KLHL3: variants seen among roughly 807,000 people sequenced by gnomAD.
The protein encoded by KLHL3 is kelch like family member 3.
Under a neutral mutation model 70.5 loss-of-function variants are expected in KLHL3, and 19 were observed. The ratio of observed to expected loss-of-function variants is 0.27; its 90% CI spans 0.19 to 0.40. The LOEUF (loss-of-function observed/expected upper bound fraction) is 0.40. KLHL3 is among the 10% of genes least tolerant of loss of function. The pLI, the probability that KLHL3 is intolerant of heterozygous loss-of-function variation, is 1.00. For missense variants in KLHL3, 512 were observed against 771.1 expected, an observed-to-expected ratio of 0.66 and a Z score of 3.98; for synonymous variants, 258 against 290.3, an observed-to-expected ratio of 0.89 and a Z score of 1.13.
chr5:137,652,715 G>A (rs1751233396), intron 8 of KLHL3, among the ~76,000 whole-genome samples: 1 of 152,256 alleles, frequency 6.6e-6, no homozygotes, highest in East Asian at 1.9e-4. Flanking sequence ...TCAGTGAGAT[G>A]GGAGAAATAC....
intron 4 of KLHL3, among the ~76,000 whole-genome samples, chr5:137,695,193 T>C (rs1752417698): frequency 1.3e-5 from 2 of 152,182 alleles, no homozygotes; most frequent in Non-Finnish European, 2.9e-5. Flanking sequence ...GGTTACACTT[T>C]CCATTTTTAA....
intron 6 of KLHL3, among the ~76,000 whole-genome samples, chr5:137,677,016 A>T (rs1751900227): frequency 6.6e-6 from 1 of 152,196 alleles, no homozygotes; most frequent in African/African-American, 2.4e-5. Flanking sequence ...AAATAGTGGC[A>T]GCTTTGTCAT....
intron 5 of KLHL3, among the ~76,000 whole-genome samples, chr5:137,679,433 C>T (rs1751969767): frequency 1.3e-5 from 2 of 152,214 alleles, no homozygotes; most frequent in South Asian, 4.1e-4. Context: ...CCCAGAGCCA[C>T]ATCTGGCCTT....
intron 1 of KLHL3, 122 bp from the exon 2 acceptor site, chr5:137,720,706 C>G: frequency 1.3e-6 from 2 of 1,532,210 alleles, no homozygotes; most frequent in South Asian, 2.5e-5. Context: ...TGTTCTCACA[C>G]AGACCCAATA....
chr5:137,715,496 T>A (rs1752876143), intron 2 of KLHL3, among the ~76,000 whole-genome samples: 1 of 152,180 alleles, frequency 6.6e-6, no homozygotes, highest in Admixed American at 6.5e-5. Context: ...CTGCCTCCCC[T>A]TTCCACTCTA....
chr5:137,648,548 C>T (rs1303758842), intron 8 of KLHL3, among the ~76,000 whole-genome samples: 1 of 152,216 alleles, frequency 6.6e-6, no homozygotes, highest in African/African-American at 2.4e-5. Context: ...GAGACAGCCT[C>T]GGGTTGTCCA....
chr5:137,721,351 T>A (rs1752992520), intron 1 of KLHL3: 1 of 152,224 alleles, frequency 6.6e-6, no homozygotes, highest in African/African-American at 2.4e-5. Flanking sequence ...AGCAGCCTTT[T>A]AAGTGTCATG....
At chr5:137,710,854 T>G (rs1000923478) in intron 2 of KLHL3, among the ~76,000 whole-genome samples, 2 of 152,088 alleles carry the variant, frequency 1.3e-5, no homozygotes, top group Non-Finnish European at 2.9e-5. Context: ...ATATTGAAAA[T>G]GAAGAAACTG....
intron 3 of KLHL3, among the ~76,000 whole-genome samples, chr5:137,701,392 C>T (rs1330426808): frequency 6.6e-6 from 1 of 152,120 alleles, no homozygotes; most frequent in Admixed American, 6.5e-5. Flanking sequence ...TACTAAGAGG[C>T]AGGACTGAGA....
chr5:137,724,542 C>T (rs1753055286), intron 1 of KLHL3, among the ~76,000 whole-genome samples: 1 of 152,184 alleles, frequency 6.6e-6, no homozygotes, highest in African/African-American at 2.4e-5. Flanking sequence ...ATATAATTCA[C>T]ACTAGAGCCT....
chr5:137,642,230 GCA>G (rs1750929279), intron 8 of KLHL3, among the ~76,000 whole-genome samples: 1 of 152,192 alleles, frequency 6.6e-6, no homozygotes, highest in African/African-American at 2.4e-5. Context: ...GAGAATAAAA[GCA>G]GTTTTAAGTT....
intron 3 of KLHL3, among the ~76,000 whole-genome samples, chr5:137,704,200 A>G (rs1273816164): frequency 6.6e-6 from 1 of 152,078 alleles, no homozygotes; most frequent in Non-Finnish European, 1.5e-5. Flanking sequence ...CCTGGCTAAC[A>G]AGGTGAAACC....
At position 137,625,769 on chromosome 5, in the gene KLHL3, C is replaced by T. The variant is rs148604750; in HGVS notation, c.1719G>A (p.Thr573=). 1.3e-4 allele frequency: 210 copies of T among 1,614,140 alleles called. No homozygotes were observed. In the African/African-American group the frequency reaches 2.3e-3, roughly 18 times the overall value. The part of the protein sequence containing the change: ...KWTLLPTNMS[T]GRSYAGVAVI... Reference sequence around the variant, plus strand: ...CACACTGACCTGCATAGCTCCGCCCCGTGCTCATGTTCGTTGGAAGCAGCG... The same window carrying T: ...CACACTGACCTGCATAGCTCCGCCCTGTGCTCATGTTCGTTGGAAGCAGCG... The change falls in exon 14 of 15, where the codon ACG becomes ACA. Residue 573 remains threonine, a synonymous_variant. Coordinates refer to ENST00000309755, the MANE Select transcript of KLHL3 (RefSeq NM_017415.3).
chr5:137,666,101 T>C (rs1163908262), intron 6 of KLHL3, among the ~76,000 whole-genome samples: 1 of 152,216 alleles, frequency 6.6e-6, no homozygotes, highest in African/African-American at 2.4e-5. Context: ...TTAAGATCCA[T>C]GAGAGACCTT....
At chr5:137,627,481 C>T (rs979890977) in intron 13 of KLHL3, among the ~76,000 whole-genome samples, 2 of 123,536 alleles carry the variant, frequency 1.6e-5, no homozygotes, top group African/African-American at 5.5e-5. Flanking sequence ...ATCACCACCC[C>T]CCCCCCCGGT....
chr5:137,709,629 G>A (rs1163559709), intron 3 of KLHL3, 121 bp downstream of exon 3: 3 of 748,900 alleles, frequency 4.0e-6, no homozygotes, highest in Non-Finnish European at 6.9e-6. Flanking sequence ...GCGTAGAGAA[G>A]CCCCTCATAG....
intron 8 of KLHL3, among the ~76,000 whole-genome samples, chr5:137,646,379 A>AT (rs968348108): frequency 2.6e-5 from 4 of 152,170 alleles, no homozygotes; most frequent in African/African-American, 9.6e-5. Context: ...AAGAAATCCA[A>AT]TTTTTATGGT....
chr5:137,653,589 A>T (rs72800066), intron 8 of KLHL3, among the ~76,000 whole-genome samples: 26,984 of 152,236 alleles, frequency 0.18, 3,104 homozygotes, highest in Non-Finnish European at 0.24. Flanking sequence ...TACAATTTTT[A>T]AAAATAGATA....
In KLHL3 at chr5:137,698,311, G is replaced by A. The variant is rs764364392; in HGVS notation, c.339C>T (p.Ile113=). The change falls in exon 4 of 15, where the codon ATC becomes ATT. Residue 113 remains isoleucine (I), a synonymous_variant. Transcript: ENST00000309755. ...CCTGGACATTCTCTTCAGTCACCTC[G>A]ATTTCAGCAGTATAGATGTAGTCAA... ...KLIDYIYTAE[I]EVTEENVQVL... 1.6e-5 allele frequency: 26 copies of A among 1,614,034 alleles called. No homozygotes were observed. The highest frequency in any genetic ancestry group is 2.2e-5 in the East Asian group (1 of 44,896).
Sources: allele counts gnomAD v4.1 joint callset (sites outside exome capture counted in the v4.1 genomes callset), GRCh38; gene constraint gnomAD v4.1.1; transcripts MANE v1.5; gene names NCBI Gene and HGNC (gene_info 2026-07-23, HGNC 2026-07-21).